The following TIMP2 variants were observed in gnomAD, a reference collection of about 807,000 sequenced individuals.
The protein encoded by TIMP2 is TIMP metallopeptidase inhibitor 2, also known as metalloproteinase inhibitor 2.
A neutral mutation model predicts 24.3 loss-of-function variants in TIMP2; 5 were observed. The observed-to-expected ratio is 0.21, with a 90% CI of 0.11 to 0.43. The LOEUF (loss-of-function observed/expected upper bound fraction) is 0.43, where lower values mean the gene tolerates loss of function less well. Among genes scored for constraint, TIMP2 ranks in the 20% least tolerant of loss-of-function variants. TIMP2 has a pLI of 1.00. For synonymous variants in TIMP2, 130 were observed against 123.2 expected (o/e 1.06, Z -0.37); for missense variants, 221 against 297.5 (o/e 0.74, Z 1.89).
At chr17:78,885,132 C>G (rs1880704579) in intron 1 of TIMP2, among the ~76,000 whole-genome samples, 2 of 152,204 alleles carry the variant, frequency 1.3e-5, no homozygotes, top group South Asian at 4.1e-4. Flanking sequence ...ACAGGGCGAC[C>G]CACGCACCAC....
At chr17:78,911,903 A>C (rs751596284) in intron 1 of TIMP2, among the ~76,000 whole-genome samples, 11,269 of 151,282 alleles carry the variant, frequency 0.074, 482 homozygotes, top group Middle Eastern at 0.13. Context: ...CCAAAAAAAA[A>C]AAAAAAAAAA....
intron 1 of TIMP2, among the ~76,000 whole-genome samples, chr17:78,889,246 G>C (rs924773581): frequency 6.6e-6 from 1 of 152,224 alleles, no homozygotes; most frequent in Non-Finnish European, 1.5e-5. Context: ...ATTGGCAGAA[G>C]AGAAGCTACC....
chr17:78,891,932 T>C lies in TIMP2; in HGVS notation c.131-18013A>G, dbSNP rs1306706635. The C allele has an allele frequency of 6.4e-7, 1 of 1,550,434 alleles. No individual in the cohort carries two copies. The highest frequency in any genetic ancestry group is 1.2e-5 in the South Asian group (1 of 84,038). ...CGCTGCTGTCTTCCGGGGCCTGGAG[T>C]GCCTGGGGTGTTGCTGGCCCAACTC... On this transcript the variant is annotated intron_variant, in intron 1 of 4. Transcript: ENST00000262768. This position sits in a 1 kb window ranked among gnomAD's most constrained non-coding sequence, Gnocchi z 4.5.
chr17:78,871,158 A>G, intron 2 of TIMP2, 152 bp from the exon 3 acceptor site: 1 of 596,478 alleles, frequency 1.7e-6, no homozygotes, highest in Non-Finnish European at 2.9e-6. Flanking sequence ...ATGGGTTAGG[A>G]AAAGACCGTT....
intron 2 of TIMP2, 139 bp from the exon 3 acceptor site, chr17:78,871,145 T>A: frequency 1.6e-6 from 1 of 627,472 alleles, no homozygotes; most frequent in East Asian, 2.9e-5. Flanking sequence ...GAAGTGCAAA[T>A]ACATGGGTTA....
At chr17:78,892,465 A>T (rs2069916965) in intron 1 of TIMP2, 1 of 1,544,282 alleles carries the variant, frequency 6.5e-7, no homozygotes, top group Non-Finnish European at 8.7e-7. Context: ...CAAACCTACG[A>T]GGAAGGGAGC....
intron 1 of TIMP2, among the ~76,000 whole-genome samples, chr17:78,889,863 T>C (rs575268026): frequency 6.6e-6 from 1 of 152,316 alleles, no homozygotes; most frequent in South Asian, 2.1e-4. Flanking sequence ...CTCAAGTCTG[T>C]AATCCCAGCA....
chr17:78,857,665 C>T lies in TIMP2; in HGVS notation c.341-19G>A, dbSNP rs1447499467. 2 of 1,613,774 alleles carry T rather than the reference C, an allele frequency of 1.2e-6. No homozygotes were observed. Among genetic ancestry groups the T allele is most frequent in the Non-Finnish European group, 1.7e-6 (2 of 1,179,968 alleles). On this transcript the variant is annotated intron_variant, in intron 3 of 4. Transcript: ENST00000262768. ...GCCTTTCCTGCGGAGAGACGGGGAT[C>T]ACCGAGCTCAGGGAGAGGGAAAAGT...
intron 2 of TIMP2, among the ~76,000 whole-genome samples, chr17:78,871,545 GT>G (rs2069685107): frequency 6.6e-6 from 1 of 151,806 alleles, no homozygotes. Context: ...ATCACAGCAG[GT>G]GAGCACAAGA....
Position 78,873,915 on chromosome 17 carries a change from G to A in TIMP2, c.135C>T (p.Ile45=). Residue 45 remains isoleucine, a synonymous_variant, in exon 2 of 5, where the codon ATC becomes ATT. Coordinates refer to ENST00000262768, the MANE Select transcript of TIMP2 (RefSeq NM_003255.5). ...QQAFCNADVV[I]RAKAVSEKEV... is the part of the protein sequence containing the mutation. ...CCTTCTCACTGACCGCTTTGGCCCTGATCACTGCAAAACACAAGACACAGA... is the reference window on the plus strand; with the variant it reads ...CCTTCTCACTGACCGCTTTGGCCCTAATCACTGCAAAACACAAGACACAGA... 3 of 1,612,976 alleles carry A rather than the reference G, an allele frequency of 1.9e-6. No individual in the cohort carries two copies.
At chr17:78,860,176 C>T (rs902396244) in intron 3 of TIMP2, among the ~76,000 whole-genome samples, 1 of 151,330 alleles carries the variant, frequency 6.6e-6, no homozygotes, top group East Asian at 1.9e-4. Context: ...ACTCTGTCTT[C>T]AAAACAAAAA....
At position 78,903,703 on chromosome 17, in the gene TIMP2, G is replaced by A. The variant is rs536215368; in HGVS notation, c.130+21256C>T. Reference sequence around the variant, plus strand: ...GGAGAAGCCACACGTACTTGGCCTCGTTTGAGGGCTAGTTCCCCACAGACA... The same window carrying A: ...GGAGAAGCCACACGTACTTGGCCTCATTTGAGGGCTAGTTCCCCACAGACA... On this transcript the variant is annotated intron_variant, in intron 1 of 4. Coordinates refer to ENST00000262768, the MANE Select transcript of TIMP2 (RefSeq NM_003255.5). 3.4e-4 allele frequency among the ~76,000 whole-genome samples: 52 copies of A among 152,268 alleles called. No homozygotes were observed. In the South Asian group the frequency reaches 9.5e-3, roughly 28 times the overall value.
chr17:78,901,661 T>C lies in TIMP2; in HGVS notation c.130+23298A>G, dbSNP rs2070095363. The C allele has an allele frequency of 7.0e-6, 5 of 710,560 alleles. No individual in the cohort carries two copies. In the South Asian group the frequency reaches 7.5e-5, roughly 11 times the overall value. 44.0% of individuals were successfully genotyped at this position (710,560 alleles called of 1,614,324 possible). A position where few individuals can be genotyped will look rare whatever the true frequency, so the allele number is the denominator to read the frequency against. On this transcript the variant is annotated intron_variant, in intron 1 of 4. Coordinates refer to ENST00000262768, the MANE Select transcript of TIMP2 (RefSeq NM_003255.5). ...TGACCTAGGCCAAGCGACTTCACTC[T>C]GGGTGCCTCAGTTTGCTCTTTAGGA...
At chr17:78,889,376 G>A (rs1056741692) in intron 1 of TIMP2, among the ~76,000 whole-genome samples, 1 of 152,188 alleles carries the variant, frequency 6.6e-6, no homozygotes, top group Non-Finnish European at 1.5e-5. Flanking sequence ...ATCACCCAGC[G>A]GGGCGAGGGT....
chr17:78,919,489 G>A (rs1382801846), intron 1 of TIMP2, among the ~76,000 whole-genome samples: 2 of 152,072 alleles, frequency 1.3e-5, no homozygotes, highest in East Asian at 3.9e-4. Flanking sequence ...CTCCAGATGC[G>A]GCTTCTTCAC....
chr17:78,865,220 G>T (rs1222713893), intron 3 of TIMP2, among the ~76,000 whole-genome samples: 1 of 152,176 alleles, frequency 6.6e-6, no homozygotes, highest in Non-Finnish European at 1.5e-5. Flanking sequence ...GTTGTCAGGG[G>T]CTGGGCAAAC....
Position 78,891,141 on chromosome 17 carries a change from C to T in TIMP2, c.131-17222G>A. 1 of 1,550,656 alleles carries T rather than the reference C, an allele frequency of 6.4e-7. No individual in the cohort carries two copies. The highest frequency in any genetic ancestry group is 8.7e-7 in the Non-Finnish European group (1 of 1,147,026). On this transcript the variant is annotated intron_variant, in intron 1 of 4. Transcript: ENST00000262768. The surrounding 1 kb of genome is among the most constrained non-coding windows in gnomAD (Gnocchi z 4.5). ...GAGTCCTCTTTGTTGATAAATATAC[C>T]TGCCTCGGGAGACAATGTTTGACTT... is the stretch of plus-strand genomic sequence containing the variant.
At chr17:78,918,717 G>A (rs1201063889) in intron 1 of TIMP2, among the ~76,000 whole-genome samples, 1 of 152,140 alleles carries the variant, frequency 6.6e-6, no homozygotes, top group Non-Finnish European at 1.5e-5. Flanking sequence ...AGTATATATA[G>A]GCCGGGCACC....
intron 1 of TIMP2, among the ~76,000 whole-genome samples, chr17:78,881,037 T>G (rs915970629): frequency 2.0e-5 from 3 of 152,242 alleles, no homozygotes; most frequent in Non-Finnish European, 4.4e-5. Flanking sequence ...CAAAGTCACC[T>G]GTCTGCCCAG....
Sources: allele counts gnomAD v4.1 joint callset (sites outside exome capture counted in the v4.1 genomes callset), GRCh38; gene constraint gnomAD v4.1.1; non-coding constraint Gnocchi (gnomAD v3.1); transcripts MANE v1.5; gene names NCBI Gene and HGNC (gene_info 2026-07-23, HGNC 2026-07-21).